A2ML1: variants seen among roughly 807,000 people sequenced by gnomAD.
The protein encoded by A2ML1 is alpha-2-macroglobulin-like protein 1.
A neutral mutation model predicts 181.9 loss-of-function variants in A2ML1; 161 were observed. The observed-to-expected ratio is 0.89, with a 90% CI of 0.78 to 1.01. A2ML1 has a LOEUF of 1.01. A2ML1 is among the 50% of genes least tolerant of loss of function. A2ML1 has a pLI of 0.00. For synonymous variants in A2ML1, 663 were observed against 666.8 expected (o/e 0.99, Z 0.09); for missense variants, 1,670 against 1,768.1 (o/e 0.94, Z 1.00).
intron 2 of A2ML1, 117 bp downstream of exon 2, chr12:8,823,482 A>T: frequency 7.9e-7 from 1 of 1,262,234 alleles, no homozygotes. Flanking sequence ...CTCTAAACCT[A>T]TTTTTTCTCA....
intron 3 of A2ML1, among the ~76,000 whole-genome samples, chr12:8,824,697 G>A (rs2136703084): frequency 1.3e-5 from 2 of 149,800 alleles, no homozygotes; most frequent in East Asian, 3.9e-4. Flanking sequence ...CCATCATTCT[G>A]TTCTCTCTCT....
Position 8,822,685 on chromosome 12 carries a change from C to T in A2ML1, c.34C>T (p.Leu12=). ...WAQLLLGMLA[L]SPAIAEELPN... is the part of the protein sequence containing the mutation. ...TCAGCTCCTTCTAGGAATGTTGGCCCTATCACCAGCCATTGCAGAAGAACT... is the reference window on the plus strand; with the variant it reads ...TCAGCTCCTTCTAGGAATGTTGGCCTTATCACCAGCCATTGCAGAAGAACT... The change falls in exon 1 of 36, where the codon CTA becomes TTA. Residue 12 remains leucine (L), a synonymous_variant. Coordinates refer to ENST00000299698, the MANE Select transcript of A2ML1 (RefSeq NM_144670.6). The T allele has an allele frequency of 6.2e-7, 1 of 1,614,174 alleles. No homozygotes were observed. The highest frequency in any genetic ancestry group is 8.5e-7 in the Non-Finnish European group (1 of 1,179,982).
At position 8,840,181 on chromosome 12, in the gene A2ML1, G is replaced by A. The variant is rs181935443; in HGVS notation, c.1080+959G>A. 3.2e-4 allele frequency among the ~76,000 whole-genome samples: 49 copies of A among 152,014 alleles called. 1 individual carries two copies. Among genetic ancestry groups the A allele is most frequent in the Admixed American group, 2.2e-3 (33 of 15,288 alleles). The stretch of plus-strand genomic sequence containing the variant: ...TCGAGACCAGCCTGGCCAACATGGC[G>A]AAAACTTGTCTCTGCTAAAAATACA... On this transcript the variant is annotated intron_variant, in intron 10 of 35. Coordinates refer to ENST00000299698, the MANE Select transcript of A2ML1 (RefSeq NM_144670.6).
chr12:8,858,217 C>A, intron 26 of A2ML1, 115 bp downstream of exon 26: 1 of 1,284,026 alleles, frequency 7.8e-7, no homozygotes, highest in Non-Finnish European at 1.0e-6. Flanking sequence ...CTGATCTCCA[C>A]TGTGGCTCTG....
At chr12:8,875,608 T>G (rs1427435196) in intron 35 of A2ML1, 1 of 151,618 alleles carries the variant, frequency 6.6e-6, no homozygotes, top group Non-Finnish European at 1.5e-5. Flanking sequence ...GCTAATTTTT[T>G]TTGTATTTTT....
At chr12:8,861,466 G>C (rs527736019) in intron 28 of A2ML1, among the ~76,000 whole-genome samples, 169 bp downstream of exon 28, 2 of 152,108 alleles carry the variant, frequency 1.3e-5, no homozygotes, top group African/African-American at 2.4e-5. Flanking sequence ...ACACGCAAGT[G>C]CTCAAAGGGC....
In A2ML1 at chr12:8,847,630, T is replaced by A. The variant is rs1943738719; in HGVS notation, c.1765T>A (p.Cys589Ser). ...LQLQAAPGSL[C>S]ALRAVDESVL... is the part of the protein sequence containing the mutation. ...GCTGCAGGCAGCTCCCGGATCCCTG[T>A]GTGCGCTCCGGGCGGTGGATGAGAG... The change falls in exon 15 of 36, where the codon TGT becomes AGT. Residue 589 changes from cysteine (C) to serine (S), a missense_variant. By Grantham distance (112) the Cys-to-Ser change is moderately radical. Transcript: ENST00000299698. 1 of 1,613,680 alleles carries A rather than the reference T, an allele frequency of 6.2e-7. No individual in the cohort carries two copies. Among genetic ancestry groups the A allele is most frequent in the Non-Finnish European group, 8.5e-7 (1 of 1,179,884 alleles).
intron 12 of A2ML1, chr12:8,844,952 G>C (rs892478691): frequency 1.5e-6 from 2 of 1,314,896 alleles, no homozygotes; most frequent in Non-Finnish European, 9.7e-7. Flanking sequence ...TTTCAAGTGA[G>C]AGTGGACGGG....
chr12:8,833,557 C>T (rs1411942179), intron 4 of A2ML1, among the ~76,000 whole-genome samples: 3 of 151,362 alleles, frequency 2.0e-5, no homozygotes, highest in Admixed American at 1.3e-4. Flanking sequence ...CCACCATGTC[C>T]GGCTAATTTT....
At chr12:8,875,899 C>G (rs1221033115) in intron 35 of A2ML1, 159 bp from the exon 36 acceptor site, 1 of 152,126 alleles carries the variant, frequency 6.6e-6, no homozygotes, top group Non-Finnish European at 1.5e-5. Flanking sequence ...TAAAGGTTAC[C>G]TGATTCTACA....
chr12:8,826,294 T>C (rs2136709729), intron 3 of A2ML1, among the ~76,000 whole-genome samples: 1 of 152,300 alleles, frequency 6.6e-6, no homozygotes, highest in Non-Finnish European at 1.5e-5. Context: ...ATTTCTTTCA[T>C]CAGTATTTTA....
chr12:8,843,438 C>T (rs1592124394), intron 12 of A2ML1, 77 bp downstream of exon 12: 1 of 1,389,588 alleles, frequency 7.2e-7, no homozygotes, highest in African/African-American at 1.4e-5. Flanking sequence ...AGAGGGTGCA[C>T]CTAGGCTATC....
In A2ML1 at chr12:8,845,864, ATAAAT is replaced by A. The variant is rs1565475723; in HGVS notation, c.1538-212_1538-208del. Among the ~76,000 whole-genome samples the A allele has an allele frequency of 0.017, 986 of 56,858 alleles. 48 individuals carry two copies. The highest frequency in any genetic ancestry group is 0.069 in the African/African-American group (878 of 12,776). The allele number at this position is 56,858 out of a possible 152,430, so 37.3% of individuals were successfully genotyped here. A position where few individuals can be genotyped will look rare whatever the true frequency, so the allele number is the denominator to read the frequency against. Reference sequence around the variant, plus strand: ...GACTCCGTCTCAAAAAAAAAAAAAAATAAATAAAATAAAATAAAATAAAATAAAAA... The same window carrying A: ...GACTCCGTCTCAAAAAAAAAAAAAAAAAAATAAAATAAAATAAAATAAAAA... On this transcript the variant is annotated intron_variant, in intron 13 of 35. Coordinates refer to ENST00000299698, the MANE Select transcript of A2ML1 (RefSeq NM_144670.6).
At chr12:8,846,324 T>C in intron 14 of A2ML1, 102 bp downstream of exon 14, 2 of 1,336,466 alleles carry the variant, frequency 1.5e-6, no homozygotes, top group Non-Finnish European at 2.1e-6. Context: ...AAGAAGATAG[T>C]GTTGACGTTG....
chr12:8,868,701 A>C, intron 32 of A2ML1, 74 bp downstream of exon 32: 2 of 1,219,850 alleles, frequency 1.6e-6, no homozygotes, highest in Non-Finnish European at 2.3e-6. Flanking sequence ...AACTGGTAAA[A>C]TGGGCATCAT....
chr12:8,834,456 C>G (rs1376597227), intron 4 of A2ML1, among the ~76,000 whole-genome samples: 2 of 152,202 alleles, frequency 1.3e-5, no homozygotes, highest in African/African-American at 4.8e-5. Context: ...CCCACTCTTA[C>G]CCTCCTCCTG....
chr12:8,881,278 G>C (rs1944867506), downstream of A2ML1, among the ~76,000 whole-genome samples: 1 of 152,138 alleles, frequency 6.6e-6, no homozygotes, highest in South Asian at 2.1e-4. Flanking sequence ...GAAGCAATGA[G>C]GAATGGGGGC....
intron 3 of A2ML1, among the ~76,000 whole-genome samples, chr12:8,827,139 G>C (rs759439555): frequency 7.2e-5 from 11 of 151,746 alleles, no homozygotes; most frequent in Non-Finnish European, 1.6e-4. Context: ...TGAGTATTTC[G>C]AGACCAGCCT....
intron 17 of A2ML1, among the ~76,000 whole-genome samples, 185 bp downstream of exon 17, chr12:8,849,944 G>A (rs1943830778): frequency 6.6e-6 from 1 of 152,116 alleles, no homozygotes; most frequent in South Asian, 2.1e-4. Context: ...GAAGCCTGAA[G>A]CTTATGTATC....
Sources: gnomAD v4.1 joint callset for allele counts (sites outside exome capture counted in the v4.1 genomes callset) on GRCh38, gnomAD v4.1.1 for gene constraint, MANE v1.5 for transcripts, NCBI Gene and HGNC (gene_info 2026-07-23, HGNC 2026-07-21) for gene names.